Variants in SNAI3 observed in about 807,000 individuals in gnomAD.
SNAI3 encodes the protein snail family transcriptional repressor 3, also known as zinc finger protein SNAI3.
In SNAI3, 21 loss-of-function variants were observed where a neutral mutation model predicts 16.4. The ratio of observed to expected loss-of-function variants is 1.28; its 90% CI spans 0.91 to 1.85. SNAI3 has a LOEUF of 1.85. Ranked by LOEUF, SNAI3 falls within the 40% of genes most tolerant of loss-of-function variation. SNAI3 has a pLI of 0.00. For synonymous variants in SNAI3, 202 were observed against 166.6 expected, an observed-to-expected ratio of 1.21 and a Z score of -1.64; for missense variants, 457 against 372.8, an observed-to-expected ratio of 1.23 and a Z score of -1.86.
At position 88,678,524 on chromosome 16, in the gene SNAI3, C is replaced by T. The variant is rs146585543; in HGVS notation, c.803G>A (p.Arg268Gln). The T allele has an allele frequency of 8.7e-5, 69 of 791,770 alleles. No homozygotes were observed. Among genetic ancestry groups the T allele is most frequent in the African/African-American group, 7.6e-4 (45 of 59,490 alleles). The allele number at this position is 791,770 out of a possible 1,614,324, so 49.0% of individuals were successfully genotyped here. The change falls in exon 3 of 3, where the codon CGG becomes CAG. Residue 268 changes from arginine to glutamine, a missense_variant. Coordinates refer to ENST00000332281, the MANE Select transcript of SNAI3 (RefSeq NM_178310.4). Reference sequence around the variant, plus strand: ...GCGGGAGAAGGTCTTGGTGCAGCGCCGGCACCGGTACTTCTTGGCGTCTGA... The same window carrying T: ...GCGGGAGAAGGTCTTGGTGCAGCGCTGGCACCGGTACTTCTTGGCGTCTGA... Reference protein sequence around the residue: ...THSDAKKYRCRRCTKTFSRMS... With the variant: ...THSDAKKYRCQRCTKTFSRMS...
At position 88,678,294 on chromosome 16, in the gene SNAI3, A is replaced by G. The variant is rs560679691; in HGVS notation, c.*154T>C. 1,181 of 577,822 alleles carry G rather than the reference A, an allele frequency of 2.0e-3. 1 individual carries two copies. The highest frequency in any genetic ancestry group is 2.8e-3 in the Non-Finnish European group (899 of 324,428). The allele number at this position is 577,822 out of a possible 1,614,324, so 35.8% of individuals were successfully genotyped here. A position where few individuals can be genotyped will look rare whatever the true frequency, so the allele number is the denominator to read the frequency against. On this transcript the variant is annotated 3_prime_UTR_variant, in exon 3 of 3. Coordinates refer to ENST00000332281, the MANE Select transcript of SNAI3 (RefSeq NM_178310.4). ...CCTCCGGCCCAGTGGCCCCCGCTGGACTTCTTTGGTTCTGATTGGACGCAG... is the reference window on the plus strand; with the variant it reads ...CCTCCGGCCCAGTGGCCCCCGCTGGGCTTCTTTGGTTCTGATTGGACGCAG...
At position 88,679,713 on chromosome 16, in the gene SNAI3, CAT is replaced by C. The variant is rs529957632; in HGVS notation, c.698-1086_698-1085del. On this transcript the variant is annotated intron_variant, in intron 2 of 2. Transcript: ENST00000332281. ...GGAGGCGGGGCTTGCAGTGAGCTGA[CAT>C]AGAGCCACTATGGTCCGGCCTGGGC... Among the ~76,000 whole-genome samples, 9 of 124,984 alleles carry C rather than the reference CAT, an allele frequency of 7.2e-5. No individual in the cohort carries two copies. The South Asian group carries it at 2.4e-3, about 33-fold the overall frequency. 82.0% of individuals were successfully genotyped at this position (124,984 alleles called of 152,430 possible). A position where few individuals can be genotyped will look rare whatever the true frequency, so the allele number is the denominator to read the frequency against.
At chr16:88,678,889 C>T (rs1489258550) in intron 2 of SNAI3, 11 of 985,390 alleles carry the variant, frequency 1.1e-5, no homozygotes, top group Middle Eastern at 5.2e-4. Context: ...TGGGAGAGGA[C>T]GGGAGAAGCA....
At chr16:88,682,376 G>A (rs1157530675) in intron 1 of SNAI3, among the ~76,000 whole-genome samples, 3 of 152,350 alleles carry the variant, frequency 2.0e-5, no homozygotes, top group African/African-American at 7.2e-5. Context: ...GAATTACCCC[G>A]GCTGGGCTCC....
chr16:88,681,504 C>T lies in SNAI3; in HGVS notation c.287G>A (p.Arg96Gln), dbSNP rs149314900. Residue 96 changes from arginine (R) to glutamine (Q), a missense_variant, in exon 2 of 3, where the codon CGG becomes CAG. Coordinates refer to ENST00000332281, the MANE Select transcript of SNAI3 (RefSeq NM_178310.4). This position sits in a 1 kb window ranked among gnomAD's most constrained non-coding sequence, Gnocchi z 5.4. ...GGGTACAATGGCGGCCCGGCTGGCC[C>T]GAGGGTCGACCTCGCTGACTTCCAA... is the stretch of plus-strand genomic sequence containing the variant. The part of the protein sequence containing the change: ...DALEVSEVDP[R>Q]ASRAAIVPLK... 1.6e-5 allele frequency: 25 copies of T among 1,544,148 alleles called. No individual in the cohort carries two copies. The Middle Eastern group carries it at 7.0e-4, about 43-fold the overall frequency.
chr16:88,684,095 C>T (rs1016847898), intron 1 of SNAI3, among the ~76,000 whole-genome samples: 1 of 152,234 alleles, frequency 6.6e-6, no homozygotes, highest in African/African-American at 2.4e-5. Flanking sequence ...CTCCCACCCT[C>T]AGTTTTCCTA....
intron 1 of SNAI3, 178 bp downstream of exon 1, chr16:88,686,153 G>C (rs529829072): frequency 1.3e-6 from 1 of 740,846 alleles, no homozygotes; most frequent in African/African-American, 1.8e-5. Context: ...CCCTGAAGTG[G>C]AGGCGCCCGT....
At position 88,678,613 on chromosome 16, in the gene SNAI3, G is replaced by A. The variant is rs754388899; in HGVS notation, c.714C>T (p.Ala238=). The stretch of plus-strand genomic sequence containing the variant: ...CAAAGGCCCTGCTGCAGTGCGAGCA[G>A]GCATAGGGCTTCTCCCCTGTGGGAG... The part of the protein sequence containing the change: ...VRTHTGEKPY[A]CSHCSRAFAD... The change falls in exon 3 of 3, where the codon GCC becomes GCT. Residue 238 remains alanine (A), a synonymous_variant. Coordinates refer to ENST00000332281, the MANE Select transcript of SNAI3 (RefSeq NM_178310.4). The A allele has an allele frequency of 2.7e-5, 33 of 1,209,702 alleles. No homozygotes were observed. The highest frequency in any genetic ancestry group is 3.8e-5 in the Non-Finnish European group (31 of 815,462). The allele number at this position is 1,209,702 out of a possible 1,614,324, so 74.9% of individuals were successfully genotyped here.
intron 2 of SNAI3, among the ~76,000 whole-genome samples, chr16:88,679,839 G>GGAGGCC (rs1909104748): frequency 6.6e-6 from 1 of 151,842 alleles, no homozygotes; most frequent in African/African-American, 2.4e-5. Flanking sequence ...CAGCACTTTG[G>GGAGGCC]GAGGCCAAGG....
intron 2 of SNAI3, among the ~76,000 whole-genome samples, chr16:88,679,303 G>A (rs1406118393): frequency 3.9e-5 from 6 of 152,224 alleles, no homozygotes; most frequent in African/African-American, 1.2e-4. Flanking sequence ...GCACGGAAAG[G>A]GGGTGTGTGG....
At chr16:88,678,938 C>G (rs992670304) in intron 2 of SNAI3, 11 of 985,280 alleles carry the variant, frequency 1.1e-5, no homozygotes, top group African/African-American at 8.7e-5. Flanking sequence ...CACTCACAGG[C>G]AAGTGGGGGG....
chr16:88,678,731 A>C, intron 2 of SNAI3, 102 bp from the exon 3 acceptor site: 1 of 1,464,184 alleles, frequency 6.8e-7, no homozygotes. Context: ...TTCCCCACAA[A>C]TGCTCACAGC....
chr16:88,680,904 C>A (rs1467743836), intron 2 of SNAI3, among the ~76,000 whole-genome samples, 190 bp downstream of exon 2: 4 of 152,180 alleles, frequency 2.6e-5, no homozygotes, highest in Non-Finnish European at 4.4e-5. Context: ...CCTGCTGACA[C>A]CTGGATTTTG....
chr16:88,680,988 G>T, intron 2 of SNAI3, 106 bp downstream of exon 2: 4 of 1,438,726 alleles, frequency 2.8e-6, no homozygotes, highest in Non-Finnish European at 2.8e-6. Flanking sequence ...GAATGTGAAT[G>T]CCCATGCTAT....
Position 88,686,462 on chromosome 16 carries a change from GT to G in SNAI3, c.-57del. ...GCTGGGGCGGGAGGGGCGCGCCTGG[GT>G]CCGGACTGCTGCGTCCGCCGGCGCT... On this transcript the variant is annotated 5_prime_UTR_variant, in exon 1 of 3. Coordinates refer to ENST00000332281, the MANE Select transcript of SNAI3 (RefSeq NM_178310.4). 6.3e-7 allele frequency: 1 copy of G among 1,585,370 alleles called. No homozygotes were observed. Among genetic ancestry groups the G allele is most frequent in the Non-Finnish European group, 8.5e-7 (1 of 1,171,052 alleles).
chr16:88,678,139 C>G lies in SNAI3; in HGVS notation c.*309G>C, dbSNP rs565370598. On this transcript the variant is annotated 3_prime_UTR_variant, in exon 3 of 3. Coordinates refer to ENST00000332281, the MANE Select transcript of SNAI3 (RefSeq NM_178310.4). ...CGGCCACCTCCCCGAGGCTCTGACTCTTGGAAGGGTAGCCCCGGAGACCTG... is the reference window on the plus strand; with the variant it reads ...CGGCCACCTCCCCGAGGCTCTGACTGTTGGAAGGGTAGCCCCGGAGACCTG... The G allele has an allele frequency of 3.1e-6, 1 of 319,626 alleles. No individual in the cohort carries two copies. The highest frequency in any genetic ancestry group is 5.9e-5 in the East Asian group (1 of 16,812). 19.8% of individuals were successfully genotyped at this position (319,626 alleles called of 1,614,324 possible). A position where few individuals can be genotyped will look rare whatever the true frequency, so the allele number is the denominator to read the frequency against.
chr16:88,685,176 C>T (rs561023049), intron 1 of SNAI3: 1 of 152,388 alleles, frequency 6.6e-6, no homozygotes, highest in African/African-American at 2.4e-5. Flanking sequence ...ATACACATAA[C>T]AGAAGCCAGT....
chr16:88,682,717 T>A (rs1353119938), intron 1 of SNAI3, among the ~76,000 whole-genome samples: 2 of 145,020 alleles, frequency 1.4e-5, no homozygotes, highest in Non-Finnish European at 3.0e-5. Flanking sequence ...TGTTAGCAAG[T>A]CGACAATAAA....
chr16:88,678,831 T>C, intron 2 of SNAI3: 3 of 985,388 alleles, frequency 3.0e-6, no homozygotes, highest in Non-Finnish European at 3.6e-6. Context: ...CCACAGGTGC[T>C]AGATCTCCTA....
Sources: allele counts gnomAD v4.1 joint callset (sites outside exome capture counted in the v4.1 genomes callset), GRCh38; gene constraint gnomAD v4.1.1; non-coding constraint Gnocchi (gnomAD v3.1); transcripts MANE v1.5; gene names NCBI Gene and HGNC (gene_info 2026-07-23, HGNC 2026-07-21).